Variants in SLC39A11 observed in about 807,000 individuals in gnomAD.
SLC39A11 encodes the protein solute carrier family 39 member 11.
Under a neutral mutation model 36.1 loss-of-function variants are expected in SLC39A11, and 33 were observed. That is an observed-to-expected ratio of 0.91 (90% confidence interval 0.69 to 1.22). The LOEUF is 1.22. Ranked by LOEUF, SLC39A11 falls within the 50% of genes most tolerant of loss-of-function variation. The probability of loss-of-function intolerance (pLI) is 0.00; values close to 1 mark genes in which losing one functional copy is unlikely to be tolerated. For missense variants in SLC39A11, 432 were observed against 430.3 expected, an observed-to-expected ratio of 1.00 and a Z score of -0.03; for synonymous variants, 166 against 170.3, an observed-to-expected ratio of 0.97 and a Z score of 0.20.
At chr17:72,682,127 C>A (rs780571157) in intron 7 of SLC39A11, among the ~76,000 whole-genome samples, 27 of 152,160 alleles carry the variant, frequency 1.8e-4, no homozygotes, top group Admixed American at 1.8e-3. Flanking sequence ...TTGTGATGAT[C>A]GGTCACTGTC....
intron 3 of SLC39A11, among the ~76,000 whole-genome samples, chr17:73,054,196 T>C (rs36119381): frequency 0.017 from 2,529 of 152,108 alleles, 35 homozygotes; most frequent in Non-Finnish European, 0.027. Flanking sequence ...ACCCCGTGTC[T>C]ACTAAAAATA....
At chr17:72,849,336 T>A (rs1300775847) in intron 6 of SLC39A11, among the ~76,000 whole-genome samples, 2 of 152,166 alleles carry the variant, frequency 1.3e-5, no homozygotes, top group East Asian at 1.9e-4. Flanking sequence ...AAAGATACCC[T>A]CCACAGCAAT....
At chr17:73,014,507 G>C (rs780963749) in intron 4 of SLC39A11, among the ~76,000 whole-genome samples, 6 of 152,162 alleles carry the variant, frequency 3.9e-5, no homozygotes, top group African/African-American at 1.4e-4. Flanking sequence ...AACTGAAAAA[G>C]AATTAGTCGG....
chr17:72,744,108 T>C (rs1056253360), intron 6 of SLC39A11, among the ~76,000 whole-genome samples: 1 of 152,242 alleles, frequency 6.6e-6, no homozygotes, highest in Non-Finnish European at 1.5e-5. Context: ...AAAAAGGGCA[T>C]GGGCTTTGGT....
At chr17:72,913,680 G>C (rs1162005072) in intron 5 of SLC39A11, among the ~76,000 whole-genome samples, 1 of 152,154 alleles carries the variant, frequency 6.6e-6, no homozygotes, top group Non-Finnish European at 1.5e-5. Context: ...CTCTGAGGTT[G>C]CGGACCATGA....
intron 4 of SLC39A11, among the ~76,000 whole-genome samples, chr17:73,018,879 A>G (rs181659435): frequency 1.3e-5 from 2 of 152,274 alleles, no homozygotes; most frequent in East Asian, 3.9e-4. Context: ...AAACATAAAG[A>G]AAACCACACA....
intron 6 of SLC39A11, among the ~76,000 whole-genome samples, chr17:72,838,562 T>A (rs1474289486): frequency 6.6e-6 from 1 of 152,192 alleles, no homozygotes; most frequent in East Asian, 1.9e-4. Context: ...GTGAATTTTA[T>A]GGTATGTGAA....
intron 5 of SLC39A11, among the ~76,000 whole-genome samples, chr17:72,864,716 C>T (rs1245126789): frequency 1.3e-5 from 2 of 152,178 alleles, no homozygotes; most frequent in Admixed American, 6.5e-5. Flanking sequence ...AAATTCCCTC[C>T]CTGCCTAAGA....
intron 6 of SLC39A11, among the ~76,000 whole-genome samples, chr17:72,783,218 G>A (rs1306509855): frequency 6.7e-6 from 1 of 148,802 alleles, no homozygotes; most frequent in Non-Finnish European, 1.5e-5. Context: ...GAATCTGCTG[G>A]CACCTTGACC....
intron 6 of SLC39A11, among the ~76,000 whole-genome samples, chr17:72,826,508 C>G (rs1479558916): frequency 6.6e-6 from 1 of 152,200 alleles, no homozygotes; most frequent in Admixed American, 6.5e-5. Flanking sequence ...TGGAACTATA[C>G]TTTCTTTCAG....
At chr17:72,848,487 A>G (rs1207025482) in intron 6 of SLC39A11, among the ~76,000 whole-genome samples, 1 of 152,186 alleles carries the variant, frequency 6.6e-6, no homozygotes, top group Non-Finnish European at 1.5e-5. Context: ...TGAGGGGCCG[A>G]GGCAGGTGGA....
At chr17:73,053,171 G>GC (rs2059562049) in intron 3 of SLC39A11, among the ~76,000 whole-genome samples, 1 of 151,978 alleles carries the variant, frequency 6.6e-6, no homozygotes, top group Admixed American at 6.6e-5. Context: ...GGGCAACAGA[G>GC]CGCGACCCCA....
intron 6 of SLC39A11, among the ~76,000 whole-genome samples, chr17:72,749,083 G>A (rs1193151137): frequency 6.6e-6 from 1 of 152,210 alleles, no homozygotes; most frequent in African/African-American, 2.4e-5. Context: ...CAAAGAGGCA[G>A]GTGAGGTAGG....
intron 5 of SLC39A11, among the ~76,000 whole-genome samples, chr17:72,874,661 T>C (rs1257632547): frequency 2.0e-5 from 3 of 152,084 alleles, no homozygotes; most frequent in African/African-American, 7.2e-5. Flanking sequence ...TCCAAAGAAA[T>C]CATCAGGGAA....
rs1425044214 is a variant in SLC39A11 at position 73,012,032 on chromosome 17, T to C, written c.306+19524A>G. On this transcript the variant is annotated intron_variant, in intron 4 of 9. Coordinates refer to ENST00000255559, the MANE Select transcript of SLC39A11 (RefSeq NM_139177.4). ...GTTCACTCCTATAATCCCAGCTCTT[T>C]GGGAGGCCGAGGCGTGTAGATCACC... Among the ~76,000 whole-genome samples, 4 of 146,932 alleles carry C rather than the reference T, an allele frequency of 2.7e-5. No individual in the cohort carries two copies. In the South Asian group the frequency reaches 6.9e-4, roughly 25 times the overall value.
intron 5 of SLC39A11, among the ~76,000 whole-genome samples, chr17:72,870,411 G>A (rs2080548243): frequency 6.6e-6 from 1 of 152,248 alleles, no homozygotes; most frequent in African/African-American, 2.4e-5. Context: ...ACTTCCAGGA[G>A]TTAGGTAGCA....
intron 7 of SLC39A11, among the ~76,000 whole-genome samples, chr17:72,729,435 ATATATATATATATATATATATATTTT>A (rs1567994839): frequency 1.5e-3 from 3 of 2,060 alleles, no homozygotes; most frequent in African/African-American, 4.0e-3. Flanking sequence ...ATATATATAT[ATATATATATATATATATATATATTTT>A]TTTTTTTTTT....
At chr17:72,906,067 C>T (rs572064146) in intron 5 of SLC39A11, among the ~76,000 whole-genome samples, 1 of 152,290 alleles carries the variant, frequency 6.6e-6, no homozygotes, top group South Asian at 2.1e-4. Context: ...AGGACCCCAA[C>T]TCTTGACGCT....
chr17:72,838,331 C>T (rs1389873021), intron 6 of SLC39A11, among the ~76,000 whole-genome samples: 7 of 151,350 alleles, frequency 4.6e-5, no homozygotes, highest in African/African-American at 1.2e-4. Flanking sequence ...AGGGTTCAAG[C>T]AATCCTCCCA....
Sources: gnomAD v4.1 joint callset for allele counts (sites outside exome capture counted in the v4.1 genomes callset) on GRCh38, gnomAD v4.1.1 for gene constraint, MANE v1.5 for transcripts, NCBI Gene and HGNC (gene_info 2026-07-23, HGNC 2026-07-21) for gene names.